Variants in TASOR observed in about 807,000 individuals in gnomAD.
The protein encoded by TASOR is transcription activation suppressor.
Under a neutral mutation model 178.6 loss-of-function variants are expected in TASOR, and 53 were observed. That is an observed-to-expected ratio of 0.30 (90% CI 0.24 to 0.37). The LOEUF (loss-of-function observed/expected upper bound fraction) is 0.37, where lower values mean the gene tolerates loss of function less well. TASOR is among the 10% of genes least tolerant of loss of function. TASOR has a pLI of 1.00. For synonymous variants in TASOR, 713 were observed against 696.2 expected (o/e 1.02, Z -0.38); for missense variants, 1,815 against 1,971.4 (o/e 0.92, Z 1.50).
chr3:56,659,327 G>C (rs984119600), intron 11 of TASOR, among the ~76,000 whole-genome samples: 2 of 152,000 alleles, frequency 1.3e-5, no homozygotes, highest in Non-Finnish European at 2.9e-5. Context: ...TGGAACTTAC[G>C]ACCACCATTT....
At chr3:56,643,247 A>G (rs1041607478) in intron 14 of TASOR, among the ~76,000 whole-genome samples, 3 of 151,902 alleles carry the variant, frequency 2.0e-5, no homozygotes, top group Admixed American at 6.6e-5. Flanking sequence ...TGGAAGACAG[A>G]GTAAGACTCC....
intron 21 of TASOR, 58 bp downstream of exon 21, chr3:56,626,979 T>TATA (rs1400666411): frequency 1.9e-6 from 2 of 1,037,732 alleles, no homozygotes; most frequent in Non-Finnish European, 2.9e-6. Context: ...AAGAGAGAAA[T>TATA]ATTATGAGTA....
intron 15 of TASOR, among the ~76,000 whole-genome samples, chr3:56,640,937 GTC>G (rs2107563278): frequency 6.6e-6 from 1 of 152,264 alleles, no homozygotes; most frequent in South Asian, 2.1e-4. Flanking sequence ...GTACCTAACT[GTC>G]ACACTGCTGT....
In TASOR at chr3:56,623,065, G is replaced by T. The variant is rs746709845; in HGVS notation, c.4985C>A (p.Ser1662Tyr). ...PPPLSWGKSD[S>Y]SRPYSQEK ...TTTCTCTTGTGAATATGGCCTGGAA[G>T]AATCACTTTTCCCCCAACTTAAGGG... is the stretch of plus-strand genomic sequence containing the variant. Residue 1662 changes from serine (S) to tyrosine (Y), a missense_variant, in exon 24 of 24, where the codon TCT becomes TAT. Physicochemically the swap from Ser to Tyr is moderately radical, Grantham distance 144. Transcript: ENST00000683822. 5.0e-6 allele frequency: 8 copies of T among 1,588,638 alleles called. No individual in the cohort carries two copies. The East Asian group carries it at 9.0e-5, about 18-fold the overall frequency.
intron 21 of TASOR, among the ~76,000 whole-genome samples, chr3:56,626,509 G>A (rs772700694): frequency 2.0e-5 from 3 of 152,244 alleles, no homozygotes; most frequent in African/African-American, 4.8e-5. Context: ...TTGGGAGGCC[G>A]AGGCAGGTGG....
chr3:56,633,451 T>A lies in TASOR; in HGVS notation c.3340A>T (p.Asn1114Tyr), dbSNP rs767445898. Residue 1114 changes from asparagine (N) to tyrosine (Y), a missense_variant, in exon 18 of 24, where the codon AAT becomes TAT. Asn to Tyr is a moderately radical substitution (Grantham distance 143). Around this residue, in one of 5 missense-constraint regions of TASOR, gnomAD observed 655 missense variants for 671.1 expected, o/e 0.98. Transcript: ENST00000683822. Reference protein sequence around the residue: ...PNDSGAKIASNPLERHVIPVS... With the variant: ...PNDSGAKIASYPLERHVIPVS... ...GGTATGACATGCCTTTCCAGAGGATTCGATGCTATCTTAGCACCAGAATCG... is the reference window on the plus strand; with the variant it reads ...GGTATGACATGCCTTTCCAGAGGATACGATGCTATCTTAGCACCAGAATCG... 6 of 1,614,002 alleles carry A rather than the reference T, an allele frequency of 3.7e-6. No individual in the cohort carries two copies. In the East Asian group the frequency reaches 1.3e-4, roughly 36 times the overall value.
chr3:56,674,747 T>G (rs1291405184), intron 1 of TASOR, among the ~76,000 whole-genome samples: 2 of 152,178 alleles, frequency 1.3e-5, no homozygotes, highest in Non-Finnish European at 2.9e-5. Flanking sequence ...GCTACTCTAA[T>G]AACCACTATA....
chr3:56,671,841 C>A lies in TASOR; in HGVS notation c.478-149G>T. 4 of 500,352 alleles carry A rather than the reference C, an allele frequency of 8.0e-6. No homozygotes were observed. The South Asian group carries it at 1.7e-4, about 21-fold the overall frequency. The allele number at this position is 500,352 out of a possible 1,614,324, so 31.0% of individuals were successfully genotyped here. A position where few individuals can be genotyped will look rare whatever the true frequency, so the allele number is the denominator to read the frequency against. On this transcript the variant is annotated intron_variant, in intron 2 of 23. Coordinates refer to ENST00000683822, the MANE Select transcript of TASOR (RefSeq NM_001365635.2). ...TATACTCTCTGTCCTTCAGTTTTTC[C>A]CCTATTTTAACTGGCTCTTTATATA...
intron 1 of TASOR, among the ~76,000 whole-genome samples, chr3:56,681,611 T>C (rs868868937): frequency 4.6e-5 from 7 of 152,110 alleles, no homozygotes; most frequent in African/African-American, 1.7e-4. Flanking sequence ...ACCAGATGGA[T>C]GGAAAAGATA....
chr3:56,660,079 T>C (rs573779722), intron 11 of TASOR, among the ~76,000 whole-genome samples: 1 of 151,996 alleles, frequency 6.6e-6, no homozygotes, highest in South Asian at 2.1e-4. Flanking sequence ...GTCAGGATGG[T>C]CCCGATCTCC....
rs760979564 is a variant in TASOR, at chr3:56,621,583, G to GA, written c.*1453dup. The GA allele has an allele frequency of 2.1e-5, 34 of 1,600,538 alleles. No homozygotes were observed. The highest frequency in any genetic ancestry group is 2.8e-5 in the Non-Finnish European group (33 of 1,174,068). ...GGAAAGTAGTCTCCTGCCTTTAGCT[G>GA]AAAATCAAGAAGAGAGTTTTGGTTC... On this transcript the variant is annotated 3_prime_UTR_variant, in exon 24 of 24. Coordinates refer to ENST00000683822, the MANE Select transcript of TASOR (RefSeq NM_001365635.2).
rs757231497 is a variant in TASOR, at chr3:56,633,908, G to A, written c.2883C>T (p.Asn961=). 5.1e-5 allele frequency: 80 copies of A among 1,570,396 alleles called. No individual in the cohort carries two copies. The East Asian group carries it at 6.1e-4, about 12-fold the overall frequency. ...VCVPPQEAFP[N]DPRVINRQRS... The stretch of plus-strand genomic sequence containing the variant: ...TCTGTCTATTTATTACCCGGGGGTC[G>A]TTAGGAAAGGCCTCCTGTGGTGGCA... The change falls in exon 18 of 24, where the codon AAC becomes AAT. Residue 961 remains asparagine (N), a synonymous_variant. Transcript: ENST00000683822.
In TASOR at chr3:56,682,534, C is replaced by T. The variant is rs1012133195; in HGVS notation, c.331+142G>A. The stretch of plus-strand genomic sequence containing the variant: ...CGCACCAAACGCGGCAGCTGGGCGG[C>T]CGTGGCGGTGAGGGGAGAGGCGGCC... On this transcript the variant is annotated intron_variant, in intron 1 of 23. Coordinates refer to ENST00000683822, the MANE Select transcript of TASOR (RefSeq NM_001365635.2). 6 of 739,188 alleles carry T rather than the reference C, an allele frequency of 8.1e-6. No homozygotes were observed. The South Asian group carries it at 1.6e-4, about 20-fold the overall frequency. 45.8% of individuals were successfully genotyped at this position (739,188 alleles called of 1,614,324 possible). A position where few individuals can be genotyped will look rare whatever the true frequency, so the allele number is the denominator to read the frequency against.
chr3:56,630,919 G>T (rs1004001083), intron 18 of TASOR, among the ~76,000 whole-genome samples: 1 of 140,204 alleles, frequency 7.1e-6, no homozygotes, highest in Admixed American at 7.2e-5. Flanking sequence ...GAGCGGGGGG[G>T]TGGGGGGTGG....
In TASOR at chr3:56,633,487, C is replaced by T. The variant is rs769340242; in HGVS notation, c.3304G>A (p.Val1102Ile). 6.2e-7 allele frequency: 1 copy of T among 1,614,148 alleles called. No homozygotes were observed. Among genetic ancestry groups the T allele is most frequent in the South Asian group, 1.1e-5 (1 of 91,066 alleles). Reference protein sequence around the residue: ...ASAKGGNLPPVSPNDSGAKIA... With the variant: ...ASAKGGNLPPISPNDSGAKIA... ...TTAGCACCAGAATCGTTAGGACTGACTGGTGGCAAATTCCCACCCTTGGCT... is the reference window on the plus strand; with the variant it reads ...TTAGCACCAGAATCGTTAGGACTGATTGGTGGCAAATTCCCACCCTTGGCT... The change falls in exon 18 of 24, where the codon GTC becomes ATC. Residue 1102 changes from valine (V) to isoleucine (I), a missense_variant. By Grantham distance (29) the Val-to-Ile change is conservative (BLOSUM62 3). Around this residue, in one of 5 missense-constraint regions of TASOR, gnomAD observed 655 missense variants for 671.1 expected, o/e 0.98. Coordinates refer to ENST00000683822, the MANE Select transcript of TASOR (RefSeq NM_001365635.2).
rs1338723294 is a variant in TASOR at position 56,641,505 on chromosome 3, A to G, written c.2463T>C (p.Asp821=). ...KHEYELNSTP[D]KKDYEQPTCA... Reference sequence around the variant, plus strand: ...AAGTAGGCTGCTCATAGTCTTTCTTATCTGGGGTAGAGTTCAACTCATACT... The same window carrying G: ...AAGTAGGCTGCTCATAGTCTTTCTTGTCTGGGGTAGAGTTCAACTCATACT... Residue 821 remains aspartate, a synonymous_variant, in exon 15 of 24, where the codon GAT becomes GAC. Coordinates refer to ENST00000683822, the MANE Select transcript of TASOR (RefSeq NM_001365635.2). 1.2e-6 allele frequency: 2 copies of G among 1,613,990 alleles called. No homozygotes were observed. The highest frequency in any genetic ancestry group is 3.3e-5 in the Admixed American group (2 of 60,012).
intron 11 of TASOR, among the ~76,000 whole-genome samples, chr3:56,658,987 T>C (rs1366931447): frequency 1.3e-5 from 2 of 150,764 alleles, no homozygotes; most frequent in African/African-American, 4.9e-5. Flanking sequence ...TGTGCACGCG[T>C]GTGTGTTTTA....
At chr3:56,671,261 C>T (rs1445044028) in intron 3 of TASOR, 1 of 169,830 alleles carries the variant, frequency 5.9e-6, no homozygotes, top group Non-Finnish European at 1.2e-5. Context: ...ATCGCTTGAA[C>T]TCAGGAGACA....
At chr3:56,674,408 G>T (rs1578298376) in intron 1 of TASOR, among the ~76,000 whole-genome samples, 1 of 151,784 alleles carries the variant, frequency 6.6e-6, no homozygotes, top group African/African-American at 2.4e-5. Flanking sequence ...TACTTGGGAG[G>T]CTGAGGCAGG....
Sources: gnomAD v4.1 joint callset for allele counts (sites outside exome capture counted in the v4.1 genomes callset) on GRCh38, gnomAD v4.1.1 for gene constraint, gnomAD v4.1.1 regional missense constraint, MANE v1.5 for transcripts, NCBI Gene and HGNC (gene_info 2026-07-23, HGNC 2026-07-21) for gene names.